Variants in PTPN5 observed in about 807,000 individuals in gnomAD.
PTPN5 encodes the protein protein tyrosine phosphatase non-receptor type 5.
PTPN5 carries 29 observed loss-of-function variants against 73.9 expected under a neutral mutation model. The observed-to-expected ratio is 0.39, with a 90% CI of 0.29 to 0.54. The LOEUF (loss-of-function observed/expected upper bound fraction) is 0.54, where lower values mean the gene tolerates loss of function less well. Among genes scored for constraint, PTPN5 ranks in the 20% least tolerant of loss-of-function variants. PTPN5 has a pLI of 0.65. For synonymous variants in PTPN5, 267 were observed against 304.7 expected (o/e 0.88, Z 1.29); for missense variants, 652 against 751.4 (o/e 0.87, Z 1.55).
At chr11:18,758,415 G>A (rs141997117) in intron 3 of PTPN5, among the ~76,000 whole-genome samples, 61 of 152,292 alleles carry the variant, frequency 4.0e-4, no homozygotes, top group African/African-American at 1.4e-3. Context: ...GCACTGAGGT[G>A]CCAGACATAT....
rs747672270 is a variant in PTPN5 at position 18,743,373 on chromosome 11, G to A, written c.348C>T (p.Ala116=). The A allele has an allele frequency of 1.9e-6, 3 of 1,614,024 alleles. No homozygotes were observed. Among genetic ancestry groups the A allele is most frequent in the Non-Finnish European group, 2.5e-6 (3 of 1,180,038 alleles). Residue 116 remains alanine, a synonymous_variant, in exon 5 of 15, where the codon GCC becomes GCT. Coordinates refer to ENST00000358540, the MANE Select transcript of PTPN5 (RefSeq NM_006906.2). The part of the protein sequence containing the change: ...SGYGHIWSQN[A]TNLVSSLLTL... ...TCAGCAAAGAGGAGACGAGGTTTGTGGCGTTCTGTGACCAGATGTGGCCAT... is the reference window on the plus strand; with the variant it reads ...TCAGCAAAGAGGAGACGAGGTTTGTAGCGTTCTGTGACCAGATGTGGCCAT...
In PTPN5 at chr11:18,733,600, G is replaced by A. The variant is rs548226956; in HGVS notation, c.1036C>T (p.Pro346Ser). 1 of 1,614,216 alleles carries A rather than the reference G, an allele frequency of 6.2e-7. No homozygotes were observed. The highest frequency in any genetic ancestry group is 8.5e-7 in the Non-Finnish European group (1 of 1,180,038). The change falls in exon 10 of 15, where the codon CCT becomes TCT. Residue 346 changes from proline (P) to serine (S), a missense_variant. This residue lies in a region of PTPN5 where 529 missense variants were observed against 573.9 expected (regional missense o/e 0.92). Transcript: ENST00000358540. This position sits in a 1 kb window ranked among gnomAD's most constrained non-coding sequence, Gnocchi z 4.3. ...ATGTAGGAACTCAGAGGGTCGTCAGGGTCTGGTGAGGTCAGACACACTCTG... is the reference window on the plus strand; with the variant it reads ...ATGTAGGAACTCAGAGGGTCGTCAGAGTCTGGTGAGGTCAGACACACTCTG... ...HSRVCLTSPD[P>S]DDPLSSYINA...
chr11:18,742,925 TG>T lies in PTPN5; in HGVS notation c.483+66del. ...TCCAGCCTATAAGTCAGATGGGAGC[TG>T]GTAGAAATCCAGGCCTCAAGGTCAG... On this transcript the variant is annotated intron_variant, in intron 6 of 14. Transcript: ENST00000358540. This position sits in a 1 kb window ranked among gnomAD's most constrained non-coding sequence, Gnocchi z 4.1. The T allele has an allele frequency of 9.6e-7, 1 of 1,046,446 alleles. No individual in the cohort carries two copies. Among genetic ancestry groups the T allele is most frequent in the Non-Finnish European group, 1.5e-6 (1 of 688,434 alleles). 64.8% of individuals were successfully genotyped at this position (1,046,446 alleles called of 1,614,324 possible).
intron 4 of PTPN5, 36 bp from the exon 5 acceptor site, chr11:18,743,465 G>A (rs1025507629): frequency 1.0e-5 from 16 of 1,581,016 alleles, no homozygotes; most frequent in Middle Eastern, 3.3e-4. Flanking sequence ...TATGGAGCCG[G>A]CCCCCTTCCC....
At chr11:18,754,659 A>G (rs1473578391) in intron 3 of PTPN5, among the ~76,000 whole-genome samples, 5 of 152,176 alleles carry the variant, frequency 3.3e-5, no homozygotes, top group African/African-American at 1.2e-4. Flanking sequence ...GGAGTGGCCA[A>G]TCATTTTTTC....
chr11:18,728,814 A>AGAGGGAGCTGACTGAAGGG lies in PTPN5; in HGVS notation c.*101_*119dup. ...GGGTCAGGCCAGGCTGACAGAGGACAGAGGGAGCTGACTGAAGGGGAGGAA... is the reference window on the plus strand; with the variant it reads ...GGGTCAGGCCAGGCTGACAGAGGACAGAGGGAGCTGACTGAAGGGGAGGGAGCTGACTGAAGGGGAGGAA... On this transcript the variant is annotated 3_prime_UTR_variant, in exon 15 of 15. Transcript: ENST00000358540. This position sits in a 1 kb window ranked among gnomAD's most constrained non-coding sequence, Gnocchi z 4.1. 2 of 871,074 alleles carry AGAGGGAGCTGACTGAAGGG rather than the reference A, an allele frequency of 2.3e-6. No individual in the cohort carries two copies. The highest frequency in any genetic ancestry group is 5.1e-5 in the East Asian group (2 of 38,876). 54.0% of individuals were successfully genotyped at this position (871,074 alleles called of 1,614,324 possible). A position where few individuals can be genotyped will look rare whatever the true frequency, so the allele number is the denominator to read the frequency against.
At chr11:18,744,318 A>G in intron 3 of PTPN5, 119 bp from the exon 4 acceptor site, 1 of 820,644 alleles carries the variant, frequency 1.2e-6, no homozygotes, top group South Asian at 2.7e-5. Context: ...GCGTGGCTCC[A>G]CTTCCAGCAG....
chr11:18,741,660 C>A (rs1442991112), intron 7 of PTPN5, among the ~76,000 whole-genome samples: 2 of 151,990 alleles, frequency 1.3e-5, no homozygotes, highest in African/African-American at 4.8e-5. Flanking sequence ...AAAACAGGTT[C>A]TAATTGGGTA....
At chr11:18,784,090 CT>C (rs1448495810) in intron 1 of PTPN5, among the ~76,000 whole-genome samples, 4 of 152,114 alleles carry the variant, frequency 2.6e-5, no homozygotes, top group Non-Finnish European at 5.9e-5. Context: ...CACAAAAATC[CT>C]TTTTAAAAAA....
chr11:18,738,068 T>C, intron 8 of PTPN5, 104 bp from the exon 9 acceptor site: 2 of 847,236 alleles, frequency 2.4e-6, no homozygotes, highest in Non-Finnish European at 4.1e-6. Flanking sequence ...CTGGCTTGAG[T>C]GCACGCATTC....
intron 12 of PTPN5, chr11:18,730,313 T>G: frequency 4.9e-6 from 1 of 202,364 alleles, no homozygotes. Flanking sequence ...ACCTTTATCA[T>G]TGCTCGAGTG....
At chr11:18,772,105 T>C (rs570492976) in intron 1 of PTPN5, 34 bp from the exon 2 acceptor site, 2 of 585,376 alleles carry the variant, frequency 3.4e-6, no homozygotes, top group South Asian at 4.9e-5. Flanking sequence ...ATTAAGTGAC[T>C]AGTCTCAGGT....
At chr11:18,738,099 T>A in intron 8 of PTPN5, 135 bp from the exon 9 acceptor site, 1 of 709,280 alleles carries the variant, frequency 1.4e-6, no homozygotes, top group Non-Finnish European at 2.6e-6. Context: ...CATTTACTAT[T>A]AAGAGAGTTA....
At chr11:18,775,186 C>T (rs1256652690) in intron 1 of PTPN5, among the ~76,000 whole-genome samples, 1 of 152,240 alleles carries the variant, frequency 6.6e-6, no homozygotes, top group East Asian at 1.9e-4. Flanking sequence ...TATCACAGAA[C>T]TTCCCCCATT....
At chr11:18,778,746 A>G (rs1426890304) in intron 1 of PTPN5, among the ~76,000 whole-genome samples, 1 of 152,182 alleles carries the variant, frequency 6.6e-6, no homozygotes, top group African/African-American at 2.4e-5. Flanking sequence ...TGTGCCAATT[A>G]AACCTCTTTT....
intron 3 of PTPN5, among the ~76,000 whole-genome samples, chr11:18,763,229 C>T (rs140118474): frequency 1.9e-4 from 29 of 152,330 alleles, no homozygotes; most frequent in Non-Finnish European, 3.5e-4. Flanking sequence ...ACGTTGTCTA[C>T]CTCCTCCAAA....
At chr11:18,764,702 G>T (rs549193869) in intron 3 of PTPN5, among the ~76,000 whole-genome samples, 2 of 143,534 alleles carry the variant, frequency 1.4e-5, no homozygotes, top group African/African-American at 6.0e-5. Flanking sequence ...ACTTGTCTTT[G>T]TTTTGTTTTG....
chr11:18,759,978 G>T (rs139960920), intron 3 of PTPN5, among the ~76,000 whole-genome samples: 2 of 152,214 alleles, frequency 1.3e-5, no homozygotes, highest in East Asian at 3.9e-4. Flanking sequence ...GACACAGCAG[G>T]TTCCTGAAGA....
intron 3 of PTPN5, 66 bp from the exon 4 acceptor site, chr11:18,744,265 C>A: frequency 7.3e-7 from 1 of 1,378,590 alleles, no homozygotes; most frequent in Non-Finnish European, 9.5e-7. Context: ...TCTGCCACCC[C>A]TTTTGGGGTG....
Sources: allele counts gnomAD v4.1 joint callset (sites outside exome capture counted in the v4.1 genomes callset), GRCh38; gene constraint gnomAD v4.1.1; regional missense constraint gnomAD v4.1.1; non-coding constraint Gnocchi (gnomAD v3.1); transcripts MANE v1.5; gene names NCBI Gene and HGNC (gene_info 2026-07-23, HGNC 2026-07-21).